The following DCC variants were observed in gnomAD, a reference collection of about 807,000 sequenced individuals.
DCC encodes the protein netrin receptor DCC.
A neutral mutation model predicts 172.5 loss-of-function variants in DCC; 58 were observed. That is an observed-to-expected ratio of 0.34 (90% CI 0.27 to 0.42). DCC has a LOEUF of 0.42. DCC is among the 10% of genes least tolerant of loss of function. The probability of loss-of-function intolerance (pLI) is 1.00; values close to 1 mark genes in which losing one functional copy is unlikely to be tolerated. For missense variants in DCC, 1,740 were observed against 1,791.0 expected, an observed-to-expected ratio of 0.97 and a Z score of 0.51; for synonymous variants, 709 against 644.5, an observed-to-expected ratio of 1.10 and a Z score of -1.52.
intron 12 of DCC, among the ~76,000 whole-genome samples, chr18:53,219,250 G>C (rs1327995562): frequency 1.3e-5 from 2 of 152,108 alleles, no homozygotes; most frequent in African/African-American, 2.4e-5. Context: ...TAAAATGAGA[G>C]AGCTGGATAG....
At chr18:52,799,391 T>C (rs1051402965) in intron 2 of DCC, among the ~76,000 whole-genome samples, 10 of 152,184 alleles carry the variant, frequency 6.6e-5, no homozygotes, top group African/African-American at 9.6e-5. Context: ...TGGCATGATA[T>C]ATTATTGCTC....
At chr18:52,823,101 C>T (rs1598839801) in intron 2 of DCC, among the ~76,000 whole-genome samples, 1 of 152,170 alleles carries the variant, frequency 6.6e-6, no homozygotes, top group Non-Finnish European at 1.5e-5. Flanking sequence ...GCTATTCCAA[C>T]AGGCAATACC....
intron 1 of DCC, among the ~76,000 whole-genome samples, chr18:52,497,337 ACGTATG>A: frequency 1.0e-5 from 1 of 97,244 alleles, no homozygotes; most frequent in Non-Finnish European, 2.2e-5. Flanking sequence ...ATATATACAC[ACGTATG>A]CATATATATA....
chr18:52,975,394 G>A (rs72928129), intron 5 of DCC, among the ~76,000 whole-genome samples: 3,258 of 152,142 alleles, frequency 0.021, 60 homozygotes, highest in Admixed American at 0.039. Flanking sequence ...AGGGGTACTC[G>A]TGCGGGTTTG....
At chr18:52,869,896 G>A (rs1215192534) in intron 2 of DCC, among the ~76,000 whole-genome samples, 2 of 152,166 alleles carry the variant, frequency 1.3e-5, no homozygotes, top group African/African-American at 2.4e-5. Flanking sequence ...GCCTTCTCAG[G>A]CCCCCAAGGG....
At chr18:53,092,062 A>G (rs1280027705) in intron 7 of DCC, among the ~76,000 whole-genome samples, 2 of 152,168 alleles carry the variant, frequency 1.3e-5, no homozygotes, top group African/African-American at 2.4e-5. Flanking sequence ...GAAATTCAAT[A>G]CAGTAGTAGA....
chr18:52,428,043 C>T (rs1211163920), intron 1 of DCC, among the ~76,000 whole-genome samples: 8 of 152,040 alleles, frequency 5.3e-5, no homozygotes, highest in African/African-American at 1.2e-4. Flanking sequence ...GTTTATTCCC[C>T]TTGGCCTGGC....
chr18:52,998,865 A>G (rs1197480385), intron 5 of DCC, among the ~76,000 whole-genome samples: 2 of 151,936 alleles, frequency 1.3e-5, no homozygotes, highest in Non-Finnish European at 2.9e-5. Context: ...CTGGAGTACA[A>G]AACTGAATTA....
At chr18:53,530,087 C>T (rs890339043) in intron 28 of DCC, among the ~76,000 whole-genome samples, 5 of 152,118 alleles carry the variant, frequency 3.3e-5, no homozygotes, top group Admixed American at 6.5e-5. Context: ...ATATTCTGTT[C>T]ATATCTTGGT....
intron 5 of DCC, among the ~76,000 whole-genome samples, chr18:52,950,707 G>A (rs375303045): frequency 1.8e-4 from 27 of 151,932 alleles, no homozygotes; most frequent in African/African-American, 6.0e-4. Flanking sequence ...GGTGGATCAC[G>A]AGGTCAGGAG....
intron 1 of DCC, among the ~76,000 whole-genome samples, chr18:52,463,729 T>C (rs768958583): frequency 1.1e-4 from 16 of 152,190 alleles, no homozygotes; most frequent in Non-Finnish European, 2.1e-4. Context: ...GTCACTGTAC[T>C]AGGTGCTGAG....
At chr18:53,385,730 G>A (rs1025211126) in intron 15 of DCC, among the ~76,000 whole-genome samples, 1 of 152,062 alleles carries the variant, frequency 6.6e-6, no homozygotes, top group African/African-American at 2.4e-5. Context: ...TGAGGCTGTC[G>A]GTTGTTTATT....
chr18:53,040,640 G>A (rs2042156572), intron 5 of DCC, among the ~76,000 whole-genome samples: 1 of 151,912 alleles, frequency 6.6e-6, no homozygotes, highest in South Asian at 2.1e-4. Flanking sequence ...GGGAGTTATA[G>A]GAATACACAT....
chr18:52,917,263 G>A (rs904159107), intron 3 of DCC, among the ~76,000 whole-genome samples: 28 of 151,972 alleles, frequency 1.8e-4, no homozygotes, highest in Non-Finnish European at 7.4e-5. Flanking sequence ...AGGTTGCAGT[G>A]AGCTGAGATC....
chr18:53,286,685 G>C (rs1044428411), intron 12 of DCC, among the ~76,000 whole-genome samples: 3 of 152,168 alleles, frequency 2.0e-5, no homozygotes, highest in Non-Finnish European at 4.4e-5. Flanking sequence ...TGGAGGTCCA[G>C]TGCATCGCCA....
At chr18:52,669,870 C>CAAAACA (rs113823014) in intron 1 of DCC, among the ~76,000 whole-genome samples, 1 of 151,438 alleles carries the variant, frequency 6.6e-6, no homozygotes, top group Admixed American at 6.6e-5. Context: ...CAAAACAAAA[C>CAAAACA]AAAAAACACA....
At chr18:52,998,870 G>A (rs1279813539) in intron 5 of DCC, among the ~76,000 whole-genome samples, 1 of 151,904 alleles carries the variant, frequency 6.6e-6, no homozygotes, top group Non-Finnish European at 1.5e-5. Context: ...GTACAAAACT[G>A]AATTAGCAAT....
At chr18:52,927,617 G>A (rs932481183) in intron 5 of DCC, among the ~76,000 whole-genome samples, 3 of 151,866 alleles carry the variant, frequency 2.0e-5, no homozygotes, top group Non-Finnish European at 4.4e-5. Context: ...CTTGACTAGT[G>A]TTATTATGTA....
chr18:53,111,629 G>A (rs972299933), intron 7 of DCC, among the ~76,000 whole-genome samples: 1 of 151,360 alleles, frequency 6.6e-6, no homozygotes, highest in Non-Finnish European at 1.5e-5. Context: ...TGCTTTAAAA[G>A]AGGAAGAAAA....
Sources: allele counts gnomAD v4.1 joint callset (sites outside exome capture counted in the v4.1 genomes callset), GRCh38; gene constraint gnomAD v4.1.1; transcripts MANE v1.5; gene names NCBI Gene and HGNC (gene_info 2026-07-23, HGNC 2026-07-21).